Variants in L3MBTL4 observed in about 807,000 individuals in gnomAD.
L3MBTL4 encodes the protein lethal(3)malignant brain tumor-like protein 4.
A neutral mutation model predicts 84.5 loss-of-function variants in L3MBTL4; 70 were observed. The ratio of observed to expected loss-of-function variants is 0.83; its 90% CI spans 0.68 to 1.01. The LOEUF (loss-of-function observed/expected upper bound fraction) is 1.01, where lower values mean the gene tolerates loss of function less well. L3MBTL4 is among the 50% of genes least tolerant of loss of function. The probability of loss-of-function intolerance (pLI) is 0.00; values close to 1 mark genes in which losing one functional copy is unlikely to be tolerated. For missense variants in L3MBTL4, 715 were observed against 754.8 expected (o/e 0.95, Z 0.62); for synonymous variants, 274 against 259.8 (o/e 1.05, Z -0.52).
chr18:5,979,896 C>G (rs2053127590), intron 16 of L3MBTL4, among the ~76,000 whole-genome samples: 1 of 152,142 alleles, frequency 6.6e-6, no homozygotes, highest in African/African-American at 2.4e-5. Context: ...CCCTTGGAGA[C>G]CTAGTCAAAG....
chr18:6,183,590 T>C (rs1203596467), intron 12 of L3MBTL4, among the ~76,000 whole-genome samples: 1 of 152,176 alleles, frequency 6.6e-6, no homozygotes, highest in Admixed American at 6.5e-5. Flanking sequence ...TTCTACTAAA[T>C]CACATGAAGA....
chr18:6,330,329 T>G (rs2051963303), intron 1 of L3MBTL4, among the ~76,000 whole-genome samples: 1 of 152,198 alleles, frequency 6.6e-6, no homozygotes, highest in Non-Finnish European at 1.5e-5. Context: ...CCCACTAGGC[T>G]AAAAATCAAG....
At chr18:5,971,756 T>C (rs2155581) in intron 16 of L3MBTL4, among the ~76,000 whole-genome samples, 11,859 of 152,242 alleles carry the variant, frequency 0.078, 610 homozygotes, top group South Asian at 0.22. Context: ...ACACCTAATG[T>C]GTGGCTGAAC....
At chr18:6,296,037 T>C (rs1385011142) in intron 4 of L3MBTL4, among the ~76,000 whole-genome samples, 1 of 152,238 alleles carries the variant, frequency 6.6e-6, no homozygotes, top group Non-Finnish European at 1.5e-5. Context: ...ATTACCTCAG[T>C]GGGAATGAAC....
chr18:6,271,827 G>T (rs2048884957), intron 4 of L3MBTL4, among the ~76,000 whole-genome samples: 1 of 152,174 alleles, frequency 6.6e-6, no homozygotes, highest in Admixed American at 6.5e-5. Flanking sequence ...AGGGAGATCA[G>T]CAGCGTTAAA....
At chr18:6,157,987 G>A (rs1031629452) in intron 13 of L3MBTL4, among the ~76,000 whole-genome samples, 6 of 152,092 alleles carry the variant, frequency 3.9e-5, no homozygotes, top group African/African-American at 1.4e-4. Flanking sequence ...CTCCTACTAG[G>A]CTTGACTAGA....
chr18:6,380,205 CTT>C (rs2054540015), intron 1 of L3MBTL4, among the ~76,000 whole-genome samples: 2 of 152,084 alleles, frequency 1.3e-5, no homozygotes. Context: ...ATTCTTCTCT[CTT>C]GTCTTCTTTA....
chr18:6,227,278 C>T (rs191843623), intron 10 of L3MBTL4, among the ~76,000 whole-genome samples: 94 of 152,274 alleles, frequency 6.2e-4, no homozygotes, highest in Non-Finnish European at 9.4e-4. Context: ...CAACACTCAA[C>T]CGACTTGAAC....
At chr18:6,385,469 A>G (rs764427627) in intron 1 of L3MBTL4, among the ~76,000 whole-genome samples, 17 of 152,162 alleles carry the variant, frequency 1.1e-4, no homozygotes, top group Non-Finnish European at 2.4e-4. Context: ...AAGATTCCCA[A>G]CAGTCACTAA....
intron 1 of L3MBTL4, among the ~76,000 whole-genome samples, chr18:6,349,338 T>C (rs919148194): frequency 2.6e-5 from 4 of 152,188 alleles, no homozygotes; most frequent in African/African-American, 9.6e-5. Flanking sequence ...ATTCATACAA[T>C]AAAATACTAC....
chr18:6,295,346 C>CTATATATATATATATATATATATATA (rs71163269), intron 4 of L3MBTL4, among the ~76,000 whole-genome samples: 1 of 81,382 alleles, frequency 1.2e-5, no homozygotes, highest in African/African-American at 6.6e-5. Context: ...CTCTCTCTCT[C>CTATATATATATATATATATATATATA]TATATATATA....
intron 13 of L3MBTL4, among the ~76,000 whole-genome samples, chr18:6,166,286 C>A (rs1353965182): frequency 6.6e-6 from 1 of 152,170 alleles, no homozygotes; most frequent in Non-Finnish European, 1.5e-5. Context: ...AGAAAGTTAA[C>A]AAGGATATCC....
chr18:6,175,855 G>A (rs1361831149), intron 12 of L3MBTL4, among the ~76,000 whole-genome samples: 2 of 151,956 alleles, frequency 1.3e-5, no homozygotes, highest in Non-Finnish European at 1.5e-5. Context: ...TTAATAAAAG[G>A]CATGAAACTT....
chr18:5,983,259 A>AT (rs2053319342), intron 16 of L3MBTL4, among the ~76,000 whole-genome samples: 1 of 152,090 alleles, frequency 6.6e-6, no homozygotes, highest in South Asian at 2.1e-4. Flanking sequence ...GGAATCCGTA[A>AT]TTTTCTCTAC....
chr18:6,083,328 C>T (rs996373725), intron 15 of L3MBTL4, among the ~76,000 whole-genome samples: 12 of 152,164 alleles, frequency 7.9e-5, no homozygotes, highest in African/African-American at 2.9e-4. Context: ...TAACGTGGGA[C>T]GGGGAAGTGT....
rs2049155173 is a variant in L3MBTL4, at chr18:6,277,840, A to G, written c.128-13802T>C. ...TAATAAGTTTTTGTATTTATCTTAT[A>G]TCCCACCACTTCAACATTCTTGTAT... is the stretch of plus-strand genomic sequence containing the variant. On this transcript the variant is annotated intron_variant, in intron 4 of 18. Transcript: ENST00000317931. Among the ~76,000 whole-genome samples the G allele has an allele frequency of 2.0e-5, 3 of 152,116 alleles. No homozygotes were observed. The South Asian group carries it at 6.2e-4, about 32-fold the overall frequency.
At position 6,311,545 on chromosome 18, in the gene L3MBTL4, A is replaced by G; in HGVS notation, c.72+9T>C. On this transcript the variant is annotated intron_variant, in intron 3 of 18. Coordinates refer to ENST00000317931, the MANE Select transcript of L3MBTL4 (RefSeq NM_001330559.2). ...ACTGTGAGGAAGGGTCCAGGGATGG[A>G]CATCTTACCAAGCGTCCGTCCTGAT... is the stretch of plus-strand genomic sequence containing the variant. 1.2e-6 allele frequency: 2 copies of G among 1,610,894 alleles called. No homozygotes were observed. Among genetic ancestry groups the G allele is most frequent in the Non-Finnish European group, 1.7e-6 (2 of 1,177,918 alleles).
intron 10 of L3MBTL4, among the ~76,000 whole-genome samples, chr18:6,230,161 C>T (rs1026619989): frequency 6.6e-6 from 1 of 152,012 alleles, no homozygotes; most frequent in African/African-American, 2.4e-5. Context: ...CTGGTGTAAA[C>T]ATCATTTCAT....
Position 6,146,464 on chromosome 18 carries a change from T to C in L3MBTL4, c.1097-8168A>G, listed in dbSNP as rs1457851824. Among the ~76,000 whole-genome samples the C allele has an allele frequency of 7.2e-5, 11 of 152,096 alleles. No homozygotes were observed. In the South Asian group the frequency reaches 2.1e-3, roughly 29 times the overall value. Reference sequence around the variant, plus strand: ...AGTAGAGGAAGCGCTACGAGGAAGCTGCGGAGAAGGCGCTCAGTCCATGCA... The same window carrying C: ...AGTAGAGGAAGCGCTACGAGGAAGCCGCGGAGAAGGCGCTCAGTCCATGCA... On this transcript the variant is annotated intron_variant, in intron 13 of 18. Transcript: ENST00000317931.
Sources: gnomAD v4.1 joint callset for allele counts (sites outside exome capture counted in the v4.1 genomes callset) on GRCh38, gnomAD v4.1.1 for gene constraint, MANE v1.5 for transcripts, NCBI Gene and HGNC (gene_info 2026-07-23, HGNC 2026-07-21) for gene names.